EYS: variants seen among roughly 807,000 people sequenced by gnomAD.
EYS encodes protein eyes shut homolog.
In EYS, 250 loss-of-function variants were observed where a neutral mutation model predicts 282.1. The ratio of observed to expected loss-of-function variants is 0.89; its 90% CI spans 0.80 to 0.98. The LOEUF (loss-of-function observed/expected upper bound fraction) is 0.98. Ranked by LOEUF, EYS falls within the 50% of genes least tolerant of loss-of-function variation. The pLI, the probability that EYS is intolerant of heterozygous loss-of-function variation, is 0.00. For missense variants in EYS, 4,016 were observed against 3,709.0 expected (o/e 1.08, Z -2.15); for synonymous variants, 1,355 against 1,282.9 (o/e 1.06, Z -1.20).
intron 39 of EYS, among the ~76,000 whole-genome samples, chr6:63,785,727 G>A (rs1286113471): frequency 6.6e-6 from 1 of 152,108 alleles, no homozygotes; most frequent in African/African-American, 2.4e-5. Flanking sequence ...TATAGGAATC[G>A]GCTGGGCACG....
At chr6:65,306,495 T>C (rs555314750) in intron 11 of EYS, among the ~76,000 whole-genome samples, 1 of 152,294 alleles carries the variant, frequency 6.6e-6, no homozygotes, top group South Asian at 2.1e-4. Flanking sequence ...GCTTTTGGAA[T>C]CAGCTTACAG....
intron 12 of EYS, among the ~76,000 whole-genome samples, chr6:65,079,197 G>C (rs1354889169): frequency 2.6e-5 from 4 of 151,876 alleles, no homozygotes; most frequent in South Asian, 2.1e-4. Context: ...AAGAAGTCTG[G>C]TTTCTTATAA....
intron 26 of EYS, among the ~76,000 whole-genome samples, chr6:64,542,200 C>T (rs1021741770): frequency 1.3e-5 from 2 of 152,032 alleles, no homozygotes; most frequent in Non-Finnish European, 2.9e-5. Context: ...AAATAGCTGT[C>T]TCATTCAAAT....
At chr6:64,519,506 C>T (rs896370052) in intron 26 of EYS, among the ~76,000 whole-genome samples, 1 of 151,698 alleles carries the variant, frequency 6.6e-6, no homozygotes, top group Non-Finnish European at 1.5e-5. Flanking sequence ...CTTTTAAATG[C>T]CTTTATGTGT....
intron 19 of EYS, among the ~76,000 whole-genome samples, chr6:64,827,632 C>T (rs945129847): frequency 6.6e-6 from 1 of 151,684 alleles, no homozygotes; most frequent in African/African-American, 2.4e-5. Flanking sequence ...ACTTAAGAAT[C>T]AGTGATTTTA....
intron 29 of EYS, among the ~76,000 whole-genome samples, chr6:64,327,458 T>C (rs1191944369): frequency 1.3e-5 from 2 of 152,144 alleles, no homozygotes; most frequent in Non-Finnish European, 2.9e-5. Flanking sequence ...CTTTGTGAGA[T>C]AGACCGGCCA....
intron 22 of EYS, among the ~76,000 whole-genome samples, chr6:64,718,801 G>C (rs559456846): frequency 5.9e-5 from 9 of 152,310 alleles, no homozygotes; most frequent in Non-Finnish European, 1.0e-4. Context: ...CAATATCATA[G>C]TACTTAATAC....
chr6:65,084,806 G>GA (rs1250764170), intron 12 of EYS, among the ~76,000 whole-genome samples: 6 of 152,172 alleles, frequency 3.9e-5, no homozygotes, highest in African/African-American at 1.2e-4. Context: ...GTTTTAGTTG[G>GA]AAAAAACTAT....
At chr6:65,637,503 G>A (rs1412024436) in intron 2 of EYS, among the ~76,000 whole-genome samples, 1 of 152,146 alleles carries the variant, frequency 6.6e-6, no homozygotes, top group Non-Finnish European at 1.5e-5. Flanking sequence ...CTACTTAGTT[G>A]ATGAGGCAGA....
At chr6:65,031,117 A>G (rs989228594) in intron 13 of EYS, among the ~76,000 whole-genome samples, 5 of 149,038 alleles carry the variant, frequency 3.4e-5, no homozygotes, top group Admixed American at 6.7e-5. Flanking sequence ...ACACATTTAT[A>G]CATATTATAT....
At chr6:64,851,229 G>A (rs1281623686) in intron 19 of EYS, among the ~76,000 whole-genome samples, 1 of 152,086 alleles carries the variant, frequency 6.6e-6, no homozygotes, top group African/African-American at 2.4e-5. Context: ...CATCAAGCCA[G>A]AAAGAATTAT....
At chr6:64,105,417 A>T (rs1040690068) in intron 31 of EYS, among the ~76,000 whole-genome samples, 1 of 152,098 alleles carries the variant, frequency 6.6e-6, no homozygotes, top group African/African-American at 2.4e-5. Flanking sequence ...TCTCACATGG[A>T]TTGTTACAAT....
Position 64,205,993 on chromosome 6 carries a change from T to C in EYS, c.6424+24599A>G, listed in dbSNP as rs114546237. On this transcript the variant is annotated intron_variant, in intron 31 of 42. Coordinates refer to ENST00000503581, the MANE Select transcript of EYS (RefSeq NM_001142800.2). ...TAGTAGGCATTTTACTTGTTATTTG[T>C]TCAGAAATTTTAGTGAATGCATCAG... Among the ~76,000 whole-genome samples, 942 of 152,268 alleles carry C rather than the reference T, an allele frequency of 6.2e-3. 8 individuals are homozygous for C. The highest frequency in any genetic ancestry group is 0.022 in the African/African-American group (901 of 41,544).
intron 30 of EYS, among the ~76,000 whole-genome samples, chr6:64,302,192 C>T (rs1238204844): frequency 6.6e-6 from 1 of 152,124 alleles, no homozygotes; most frequent in Non-Finnish European, 1.5e-5. Flanking sequence ...TTGACCAAGC[C>T]ACCCAATCAC....
intron 31 of EYS, among the ~76,000 whole-genome samples, chr6:64,100,765 G>A (rs905886866): frequency 6.6e-6 from 1 of 152,130 alleles, no homozygotes; most frequent in Admixed American, 6.5e-5. Flanking sequence ...CATGAGAGAA[G>A]GGTCATTAAA....
intron 23 of EYS, among the ~76,000 whole-genome samples, chr6:64,618,914 T>C (rs941941290): frequency 7.9e-5 from 12 of 152,204 alleles, no homozygotes; most frequent in African/African-American, 2.2e-4. Context: ...CTCACAAACA[T>C]ATTATTGAGC....
At chr6:65,697,431 T>C (rs1769493002) in intron 1 of EYS, among the ~76,000 whole-genome samples, 1 of 152,106 alleles carries the variant, frequency 6.6e-6, no homozygotes. Context: ...TTGCATTCTA[T>C]TTGTGCAGGT....
intron 22 of EYS, among the ~76,000 whole-genome samples, chr6:64,759,721 T>C (rs1437598835): frequency 6.6e-6 from 1 of 152,202 alleles, no homozygotes; most frequent in African/African-American, 2.4e-5. Context: ...GAATTCACTC[T>C]TTCTGAATTA....
In EYS at chr6:64,896,429, T is replaced by C. The variant is rs139267228; in HGVS notation, c.2846+5684A>G. On this transcript the variant is annotated intron_variant, in intron 18 of 42. Coordinates refer to ENST00000503581, the MANE Select transcript of EYS (RefSeq NM_001142800.2). ...AGATACTATGCTTTTCTCATGGTCA[T>C]TGAAACCCACAGACCAGGAGTTTCC... 4.9e-3 allele frequency among the ~76,000 whole-genome samples: 740 copies of C among 152,264 alleles called. 5 individuals are homozygous for C. The highest frequency in any genetic ancestry group is 7.3e-3 in the Non-Finnish European group (499 of 68,026).
Sources: allele counts gnomAD v4.1 joint callset (sites outside exome capture counted in the v4.1 genomes callset), GRCh38; gene constraint gnomAD v4.1.1; transcripts MANE v1.5; gene names NCBI Gene and HGNC (gene_info 2026-07-23, HGNC 2026-07-21).